TMPRSS3: variants seen among roughly 807,000 people sequenced by gnomAD.
TMPRSS3 encodes the protein transmembrane protease serine 3.
TMPRSS3 carries 55 observed loss-of-function variants against 59.6 expected under a neutral mutation model. That is an observed-to-expected ratio of 0.92 (90% confidence interval 0.74 to 1.16). The LOEUF is 1.16. TMPRSS3 is among the 50% of genes most tolerant of loss of function. The pLI is 0.00. For synonymous variants in TMPRSS3, 257 were observed against 237.7 expected, an observed-to-expected ratio of 1.08 and a Z score of -0.75; for missense variants, 596 against 579.4, an observed-to-expected ratio of 1.03 and a Z score of -0.29.
rs564720524 is a variant in TMPRSS3 at position 42,381,237 on chromosome 21, C to G, written c.952+828G>C. Among the ~76,000 whole-genome samples, 9 of 152,340 alleles carry G rather than the reference C, an allele frequency of 5.9e-5. No homozygotes were observed. The South Asian group carries it at 1.9e-3, about 32-fold the overall frequency. On this transcript the variant is annotated intron_variant, in intron 9 of 12. Coordinates refer to ENST00000644384, the MANE Select transcript of TMPRSS3 (RefSeq NM_001256317.3). ...TGTTTGAAAGTTTTATCAGGTGTGG[C>G]TCTTCTGGCATTTTCGTAATGTCCA...
At chr21:42,379,293 G>T (rs1291141397) in intron 10 of TMPRSS3, among the ~76,000 whole-genome samples, 2 of 152,030 alleles carry the variant, frequency 1.3e-5, no homozygotes, top group Non-Finnish European at 2.9e-5. Context: ...CTCCCAAAGT[G>T]CTGGGATTAC....
Position 42,376,607 on chromosome 21 carries a change from G to A in TMPRSS3, c.1125C>T (p.Tyr375=), listed in dbSNP as rs111033292. The A allele has an allele frequency of 2.9e-3, 4,738 of 1,614,020 alleles. 6 individuals carry two copies. Among genetic ancestry groups the A allele is most frequent in the Non-Finnish European group, 3.7e-3 (4,381 of 1,180,022 alleles). The change falls in exon 11 of 13, where the codon TAC becomes TAT. Residue 375 remains tyrosine (Y), a synonymous_variant. Coordinates refer to ENST00000644384, the MANE Select transcript of TMPRSS3 (RefSeq NM_001256317.3). The part of the protein sequence containing the change: ...SNKICNHRDV[Y]GGIISPSMLC... The stretch of plus-strand genomic sequence containing the variant: ...GCATGGAGGGGGAGATGATGCCACC[G>A]TACACGTCCCTGTGGTTGCAGATCT...
chr21:42,390,197 C>G (rs1320480683), intron 2 of TMPRSS3, 160 bp from the exon 3 acceptor site: 5 of 674,170 alleles, frequency 7.4e-6, no homozygotes, highest in Non-Finnish European at 1.1e-5. Context: ...CACCAAGGGG[C>G]ACATTCTCTA....
At chr21:42,394,967 G>A (rs73372251) in intron 2 of TMPRSS3, among the ~76,000 whole-genome samples, 7,297 of 152,136 alleles carry the variant, frequency 0.048, 584 homozygotes, top group African/African-American at 0.16. Flanking sequence ...CTGAGTTTTC[G>A]GAGGGACTGG....
intron 8 of TMPRSS3, chr21:42,382,679 C>T (rs917766017): frequency 5.0e-5 from 21 of 416,260 alleles, no homozygotes; most frequent in Non-Finnish European, 6.7e-5. Flanking sequence ...TCTAGCCTCC[C>T]GCACCACCGT....
chr21:42,376,149 G>GA (rs1475292496), intron 11 of TMPRSS3, among the ~76,000 whole-genome samples: 3 of 152,178 alleles, frequency 2.0e-5, no homozygotes, highest in Non-Finnish European at 4.4e-5. Context: ...GGCAGCTGGT[G>GA]AGAGGGAGGG....
In TMPRSS3 at chr21:42,372,520, A is replaced by G; in HGVS notation, c.*242T>C. 1 of 655,866 alleles carries G rather than the reference A, an allele frequency of 1.5e-6. No homozygotes were observed. The highest frequency in any genetic ancestry group is 1.5e-5 in the South Asian group (1 of 66,360). 40.6% of individuals were successfully genotyped at this position (655,866 alleles called of 1,614,324 possible). On this transcript the variant is annotated 3_prime_UTR_variant, in exon 13 of 13. Transcript: ENST00000644384. ...GGCTGCAGTGAGCAGGGATTTCGCC[A>G]CTGCACTCCAGCCTGGGCAACAGAG...
intron 12 of TMPRSS3, among the ~76,000 whole-genome samples, chr21:42,373,077 A>G (rs933129960): frequency 6.6e-6 from 1 of 152,104 alleles, no homozygotes; most frequent in African/African-American, 2.4e-5. Flanking sequence ...TTGAGTCACA[A>G]CAATTTTGTT....
At chr21:42,395,560 G>T in intron 1 of TMPRSS3, 92 bp from the exon 2 acceptor site, 1 of 760,818 alleles carries the variant, frequency 1.3e-6, no homozygotes. Context: ...TTTGAAATTC[G>T]ACAGTCCACA....
intron 2 of TMPRSS3, among the ~76,000 whole-genome samples, chr21:42,393,034 T>C (rs2052753504): frequency 6.6e-6 from 1 of 152,130 alleles, no homozygotes; most frequent in Non-Finnish European, 1.5e-5. Context: ...TGAAAAAGCT[T>C]TCAACTTCTT....
intron 6 of TMPRSS3, among the ~76,000 whole-genome samples, chr21:42,385,182 A>G (rs2146441723): frequency 6.7e-6 from 1 of 148,720 alleles, no homozygotes; most frequent in Admixed American, 6.8e-5. Flanking sequence ...CAGCATTGTT[A>G]CCCTTCTACT....
At position 42,380,183 on chromosome 21, in the gene TMPRSS3, A is replaced by G; in HGVS notation, c.982T>C (p.Ser328Pro). Reference protein sequence around the residue: ...EMIQPVCLPNSEENFPDGKVC... With the variant: ...EMIQPVCLPNPEENFPDGKVC... ...TTTCCATCGGGGAAGTTCTCTTCAG[A>G]GTTGGGCAGGCACACAGGCTGGATC... is the stretch of plus-strand genomic sequence containing the variant. The change falls in exon 10 of 13, where the codon TCT becomes CCT. Residue 328 changes from serine to proline, a missense_variant. Physicochemically the swap from Ser to Pro is moderately conservative, Grantham distance 74. Coordinates refer to ENST00000644384, the MANE Select transcript of TMPRSS3 (RefSeq NM_001256317.3). 2 of 1,614,132 alleles carry G rather than the reference A, an allele frequency of 1.2e-6. No homozygotes were observed. Among genetic ancestry groups the G allele is most frequent in the Non-Finnish European group, 1.7e-6 (2 of 1,180,008 alleles).
chr21:42,384,014 C>G lies in TMPRSS3; in HGVS notation c.573-1G>C. ...CACGTGGCCAGAGGCACATCCCTCC[C>G]TAAAGCGGAGAAAAAGTAGGCTCTG... is the stretch of plus-strand genomic sequence containing the variant. On this transcript the variant is annotated splice_acceptor_variant, in intron 6 of 12. Coordinates refer to ENST00000644384, the MANE Select transcript of TMPRSS3 (RefSeq NM_001256317.3). LOFTEE classifies it high-confidence loss of function. The G allele has an allele frequency of 6.2e-7, 1 of 1,613,932 alleles. No homozygotes were observed. The highest frequency in any genetic ancestry group is 8.5e-7 in the Non-Finnish European group (1 of 1,179,952).
chr21:42,381,110 G>A (rs2052521604), intron 9 of TMPRSS3, among the ~76,000 whole-genome samples: 2 of 152,070 alleles, frequency 1.3e-5, no homozygotes, highest in South Asian at 4.1e-4. Flanking sequence ...CAATAAGAGG[G>A]AATTAACCTA....
intron 6 of TMPRSS3, 32 bp downstream of exon 6, chr21:42,385,377 T>A (rs1408899155): frequency 1.2e-6 from 2 of 1,613,290 alleles, no homozygotes; most frequent in Non-Finnish European, 1.7e-6. Flanking sequence ...ACTCGATACC[T>A]GTGCAGACAA....
intron 8 of TMPRSS3, chr21:42,382,736 G>T (rs2052554905): frequency 2.1e-6 from 1 of 486,854 alleles, no homozygotes; most frequent in African/African-American, 1.9e-5. Context: ...TTAGCTATGG[G>T]AAGGTCTAGG....
In TMPRSS3 at chr21:42,381,849, T is replaced by A. The variant is rs55847576; in HGVS notation, c.952+216A>T. The A allele has an allele frequency of 0.099, 69,493 of 701,514 alleles. 5,179 individuals carry two copies. Among genetic ancestry groups the A allele is most frequent in the East Asian group, 0.31 (11,321 of 36,726 alleles). The allele number at this position is 701,514 out of a possible 1,614,324, so 43.5% of individuals were successfully genotyped here. A position where few individuals can be genotyped will look rare whatever the true frequency, so the allele number is the denominator to read the frequency against. On this transcript the variant is annotated intron_variant, in intron 9 of 12. Coordinates refer to ENST00000644384, the MANE Select transcript of TMPRSS3 (RefSeq NM_001256317.3). ...GAGAGCCACATTGTCCAGGATACAA[T>A]TGAAAATCACTTGTCATACCAAGAG...
In TMPRSS3 at chr21:42,388,499, A is replaced by G; in HGVS notation, c.350T>C (p.Leu117Pro). 1 of 1,614,200 alleles carries G rather than the reference A, an allele frequency of 6.2e-7. No individual in the cohort carries two copies. Among genetic ancestry groups the G allele is most frequent in the Non-Finnish European group, 8.5e-7 (1 of 1,180,040 alleles). Residue 117 changes from leucine (L) to proline (P), a missense_variant, in exon 5 of 13, where the codon CTC becomes CCC. By Grantham distance (98) the Leu-to-Pro change is moderately conservative. Transcript: ENST00000644384. The surrounding 1 kb of genome is among the most constrained non-coding windows in gnomAD (Gnocchi z 5.1). ...CVRVGGQNAVLQVFTAASWKT... is the reference protein window; with the variant it reads ...CVRVGGQNAVPQVFTAASWKT... ...CCACGAAGCAGCTGTGAACACCTGG[A>G]GCACGGCATTCTGACCACCCACCCG...
intron 7 of TMPRSS3, 118 bp downstream of exon 7, chr21:42,383,852 C>A: frequency 9.0e-7 from 1 of 1,108,252 alleles, no homozygotes; most frequent in Non-Finnish European, 1.4e-6. Flanking sequence ...GAGTTCCCGC[C>A]TGGCACCCAG....
Sources: gnomAD v4.1 joint callset for allele counts (sites outside exome capture counted in the v4.1 genomes callset) on GRCh38, gnomAD v4.1.1 for gene constraint, Gnocchi (gnomAD v3.1) non-coding constraint, MANE v1.5 for transcripts, NCBI Gene and HGNC (gene_info 2026-07-23, HGNC 2026-07-21) for gene names.